Variants in L2HGDH observed in about 807,000 individuals in gnomAD.
L2HGDH encodes L-2-hydroxyglutarate dehydrogenase.
L2HGDH carries 34 observed loss-of-function variants against 51.5 expected under a neutral mutation model. The ratio of observed to expected loss-of-function variants is 0.66; its 90% CI spans 0.50 to 0.88. The LOEUF (loss-of-function observed/expected upper bound fraction) is 0.88. L2HGDH is among the 40% of genes least tolerant of loss of function. The pLI, the probability that L2HGDH is intolerant of heterozygous loss-of-function variation, is 0.00. For missense variants in L2HGDH, 558 were observed against 571.9 expected (o/e 0.98, Z 0.25); for synonymous variants, 198 against 197.9 (o/e 1.00, Z -0.01).
intron 3 of L2HGDH, among the ~76,000 whole-genome samples, chr14:50,295,299 C>T (rs1325947130): frequency 6.6e-6 from 1 of 152,128 alleles, no homozygotes; most frequent in Non-Finnish European, 1.5e-5. Context: ...CACTTGAGCC[C>T]AGGAGTTCAA....
At chr14:50,291,197 CAAAAA>C (rs1159640500) in intron 4 of L2HGDH, among the ~76,000 whole-genome samples, 4 of 30,644 alleles carry the variant, frequency 1.3e-4, no homozygotes, top group Non-Finnish European at 2.9e-4. Flanking sequence ...GACTCCGTCT[CAAAAA>C]AAAAAAAAAA....
chr14:50,265,640 G>C, intron 8 of L2HGDH, 151 bp from the exon 9 acceptor site: 1 of 751,822 alleles, frequency 1.3e-6, no homozygotes, highest in Non-Finnish European at 2.1e-6. Flanking sequence ...AAGGCCAGGA[G>C]TGGTGGCTCA....
chr14:50,302,907 T>C lies in L2HGDH; in HGVS notation c.251A>G (p.Asp84Gly). Residue 84 changes from aspartate (D) to glycine (G), a missense_variant, in exon 2 of 10, where the codon GAT (aspartate) becomes GGT (glycine). Physicochemically the swap from Asp to Gly is moderately conservative, Grantham distance 94. Coordinates refer to ENST00000267436, the MANE Select transcript of L2HGDH (RefSeq NM_024884.3). Reference protein sequence around the residue: ...LSIGVLEKEKDLAVHQTGHNS... With the variant: ...LSIGVLEKEKGLAVHQTGHNS... ...AACATTGATTATATACATACCTAAA[T>C]CTTTCTCCTTTTCCAGAACACCAAT... The C allele has an allele frequency of 6.2e-7, 1 of 1,606,040 alleles. No individual in the cohort carries two copies. The highest frequency in any genetic ancestry group is 8.5e-7 in the Non-Finnish European group (1 of 1,172,772).
At chr14:50,303,619 A>T (rs2030551366) in intron 1 of L2HGDH, among the ~76,000 whole-genome samples, 1 of 151,656 alleles carries the variant, frequency 6.6e-6, no homozygotes, top group Non-Finnish European at 1.5e-5. Flanking sequence ...TTTACTAAAA[A>T]TACAAAAATT....
intron 3 of L2HGDH, among the ~76,000 whole-genome samples, chr14:50,300,164 T>G (rs1043647584): frequency 5.3e-5 from 8 of 152,174 alleles, no homozygotes; most frequent in African/African-American, 1.9e-4. Flanking sequence ...ACACAAAATG[T>G]TGATTATAGT....
chr14:50,290,488 G>C (rs1008792788), intron 4 of L2HGDH, among the ~76,000 whole-genome samples: 1 of 152,140 alleles, frequency 6.6e-6, no homozygotes, highest in Non-Finnish European at 1.5e-5. Context: ...TTTAGATCAA[G>C]GGTAGGCAAC....
rs530776949 is a variant in L2HGDH at position 50,258,882 on chromosome 14, T to C, written c.1196+6476A>G. On this transcript the variant is annotated intron_variant, in intron 9 of 9. Coordinates refer to ENST00000267436, the MANE Select transcript of L2HGDH (RefSeq NM_024884.3). The stretch of plus-strand genomic sequence containing the variant: ...TTTTTGAGACAGGGTCTCACTGTTG[T>C]CCAGACTGGAGTGCAGTGGTGTTAT... Among the ~76,000 whole-genome samples the C allele has an allele frequency of 2.0e-5, 3 of 151,612 alleles. No individual in the cohort carries two copies. The South Asian group carries it at 6.3e-4, about 32-fold the overall frequency.
At chr14:50,265,177 C>A (rs775805712) in intron 9 of L2HGDH, among the ~76,000 whole-genome samples, 181 bp downstream of exon 9, 70 of 152,136 alleles carry the variant, frequency 4.6e-4, no homozygotes, top group Non-Finnish European at 9.3e-4. Context: ...CATGATGTAG[C>A]AATGCCCAAT....
At position 50,244,374 on chromosome 14, in the gene L2HGDH, T is replaced by G. The variant is rs1887914689; in HGVS notation, c.*2684A>C. 1.0e-6 allele frequency: 1 copy of G among 985,186 alleles called. No individual in the cohort carries two copies. 61.0% of individuals were successfully genotyped at this position (985,186 alleles called of 1,614,324 possible). On this transcript the variant is annotated 3_prime_UTR_variant, in exon 10 of 10. Coordinates refer to ENST00000267436, the MANE Select transcript of L2HGDH (RefSeq NM_024884.3). Reference sequence around the variant, plus strand: ...TTCCTTTTCAGGGTATTGTACAGACTCAAATGGATTGAGGACTGCTTCAAT... The same window carrying G: ...TTCCTTTTCAGGGTATTGTACAGACGCAAATGGATTGAGGACTGCTTCAAT...
Position 50,286,553 on chromosome 14 carries a change from C to T in L2HGDH, c.541-2520G>A, listed in dbSNP as rs146584121. ...TGACCCCGTACAATGGGCATTTTAC[C>T]CAATATTCCTATAGCAGTGGTAAGG... On this transcript the variant is annotated intron_variant, in intron 4 of 9. Coordinates refer to ENST00000267436, the MANE Select transcript of L2HGDH (RefSeq NM_024884.3). 4.5e-3 allele frequency among the ~76,000 whole-genome samples: 679 copies of T among 152,164 alleles called. 4 individuals are homozygous for T. The highest frequency in any genetic ancestry group is 0.014 in the African/African-American group (566 of 41,518).
chr14:50,292,072 T>A (rs1209880784), intron 4 of L2HGDH, among the ~76,000 whole-genome samples: 1 of 151,908 alleles, frequency 6.6e-6, no homozygotes, highest in Non-Finnish European at 1.5e-5. Flanking sequence ...TCAGAAAACA[T>A]CAAATACAAA....
intron 6 of L2HGDH, among the ~76,000 whole-genome samples, chr14:50,274,968 AG>A (rs1419701825): frequency 1.1e-5 from 1 of 86,984 alleles, no homozygotes; most frequent in Non-Finnish European, 2.3e-5. Flanking sequence ...ACAGACTGGG[AG>A]GGGGGTGGGC....
At chr14:50,273,177 A>C (rs1476417332) in intron 6 of L2HGDH, among the ~76,000 whole-genome samples, 4 of 152,262 alleles carry the variant, frequency 2.6e-5, no homozygotes, top group Non-Finnish European at 4.4e-5. Context: ...ACTCCAAAAC[A>C]GTTTCAGAGA....
chr14:50,288,914 T>C (rs1890712879), intron 4 of L2HGDH, among the ~76,000 whole-genome samples: 1 of 152,208 alleles, frequency 6.6e-6, no homozygotes, highest in South Asian at 2.1e-4. Context: ...AAGAGCTAAT[T>C]TGGTCTTTAA....
At position 50,312,204 on chromosome 14, in the gene L2HGDH, A is replaced by ACGGC; in HGVS notation, c.-58_-55dup. On this transcript the variant is annotated 5_prime_UTR_variant, in exon 1 of 10. Coordinates refer to ENST00000267436, the MANE Select transcript of L2HGDH (RefSeq NM_024884.3). ...CTCAGAAGAAGCCACTTGACCCTCC[A>ACGGC]CGGCCGAGGACCCGCGCTCTTTAGC... 1 of 1,596,102 alleles carries ACGGC rather than the reference A, an allele frequency of 6.3e-7. No individual in the cohort carries two copies. Among genetic ancestry groups the ACGGC allele is most frequent in the Non-Finnish European group, 8.5e-7 (1 of 1,174,912 alleles).
intron 8 of L2HGDH, among the ~76,000 whole-genome samples, chr14:50,266,229 C>T (rs2355885): frequency 0.51 from 77,976 of 151,792 alleles, 20,456 homozygotes; most frequent in East Asian, 0.65. Flanking sequence ...TCTATAAAGC[C>T]TGCCAACATC....
At chr14:50,260,012 ATT>A (rs1295006031) in intron 9 of L2HGDH, among the ~76,000 whole-genome samples, 14 of 138,960 alleles carry the variant, frequency 1.0e-4, no homozygotes, top group Middle Eastern at 3.7e-3. Flanking sequence ...AGAGAGAGAG[ATT>A]GATTGAAGCA....
chr14:50,307,844 C>T (rs975750642), intron 1 of L2HGDH, among the ~76,000 whole-genome samples: 1 of 152,068 alleles, frequency 6.6e-6, no homozygotes, highest in African/African-American at 2.4e-5. Flanking sequence ...AAATTTTTTA[C>T]ATCACCTAAT....
At chr14:50,278,819 T>C (rs1397428092) in intron 5 of L2HGDH, among the ~76,000 whole-genome samples, 4 of 152,302 alleles carry the variant, frequency 2.6e-5, no homozygotes, top group South Asian at 2.1e-4. Context: ...AATATAGACA[T>C]AGCTATTCTC....
Sources: gnomAD v4.1 joint callset for allele counts (sites outside exome capture counted in the v4.1 genomes callset) on GRCh38, gnomAD v4.1.1 for gene constraint, MANE v1.5 for transcripts, NCBI Gene and HGNC (gene_info 2026-07-23, HGNC 2026-07-21) for gene names.